Variants in AMHR2 observed in about 807,000 individuals in gnomAD.
The protein encoded by AMHR2 is anti-Mullerian hormone receptor type 2.
AMHR2 carries 36 observed loss-of-function variants against 61.4 expected under a neutral mutation model. The ratio of observed to expected loss-of-function variants is 0.59; its 90% confidence interval spans 0.45 to 0.77. AMHR2 has a LOEUF of 0.77. AMHR2 is among the 30% of genes least tolerant of loss of function. AMHR2 has a pLI of 0.00. For synonymous variants in AMHR2, 258 were observed against 279.4 expected (o/e 0.92, Z 0.76); for missense variants, 638 against 714.6 (o/e 0.89, Z 1.22).
At position 53,423,943 on chromosome 12, in the gene AMHR2, G is replaced by A. The variant is rs752126229; in HGVS notation, c.9G>A (p.Gly3=). The A allele has an allele frequency of 6.2e-7, 1 of 1,614,220 alleles. No individual in the cohort carries two copies. The highest frequency in any genetic ancestry group is 8.5e-7 in the Non-Finnish European group (1 of 1,180,038). The change falls in exon 1 of 11, where the codon GGG becomes GGA. Residue 3 remains glycine (G), a synonymous_variant. Coordinates refer to ENST00000257863, the MANE Select transcript of AMHR2 (RefSeq NM_020547.3). ...TGCCATCCTCCAGCAAGATGCTAGG[G>A]TCTTTGGGGCTTTGGGCATTACTTC... ML[G]SLGLWALLPT...
Position 53,425,499 on chromosome 12 carries a change from C to T in AMHR2, c.547C>T (p.Pro183Ser). 6.2e-7 allele frequency: 1 copy of T among 1,614,054 alleles called. No homozygotes were observed. Among genetic ancestry groups the T allele is most frequent in the Non-Finnish European group, 8.5e-7 (1 of 1,180,034 alleles). Residue 183 changes from proline (P) to serine (S), a missense_variant, in exon 5 of 11, where the codon CCA becomes TCA. Transcript: ENST00000257863. The stretch of plus-strand genomic sequence containing the variant: ...CTACAGAGTGCGAGGTGAGCCAGTG[C>T]CAGAGCCAAGGCCAGACTCAGGCAG... The part of the protein sequence containing the change: ...KNYRVRGEPV[P>S]EPRPDSGRDW...
intron 10 of AMHR2, chr12:53,430,722 C>A: frequency 2.9e-6 from 1 of 347,206 alleles, no homozygotes; most frequent in Non-Finnish European, 5.5e-6. Context: ...CAATAAAAGG[C>A]AGTTCTAGGT....
rs1231975212 is a variant in AMHR2, at chr12:53,424,799, C to T, written c.323C>T (p.Thr108Ile). The stretch of plus-strand genomic sequence containing the variant: ...CCCAGCCCTGGCTCCACTCTCTTCA[C>T]CTGCTCCTGTGGCACTGACTTCTGC... ...AHPSPGSTLFTCSCGTDFCNA... is the reference protein window; with the variant it reads ...AHPSPGSTLFICSCGTDFCNA... Residue 108 changes from threonine (T) to isoleucine (I), a missense_variant, in exon 3 of 11, where the codon ACC becomes ATC. Thr to Ile is a moderately conservative substitution (Grantham distance 89, BLOSUM62 -1). Coordinates refer to ENST00000257863, the MANE Select transcript of AMHR2 (RefSeq NM_020547.3). The T allele has an allele frequency of 3.7e-6, 6 of 1,614,074 alleles. No individual in the cohort carries two copies. The highest frequency in any genetic ancestry group is 3.3e-5 in the South Asian group (3 of 91,082).
Position 53,425,456 on chromosome 12 carries a change from C to G in AMHR2, c.504C>G (p.Ala168=), listed in dbSNP as rs781306620. 1 of 1,613,874 alleles carries G rather than the reference C, an allele frequency of 6.2e-7. No homozygotes were observed. The highest frequency in any genetic ancestry group is 2.2e-5 in the East Asian group (1 of 44,892). Residue 168 remains alanine (A), a splice_region_variant and synonymous_variant, in exon 5 of 11, where the codon GCC becomes GCG. Coordinates refer to ENST00000257863, the MANE Select transcript of AMHR2 (RefSeq NM_020547.3). ...LLLLLGSIIL[A]LLQRKNYRVR... is the part of the protein sequence containing the mutation. ...CCCTAAGGCTCTTGTCTGTTCCAGC[C>G]CTGCTACAGCGAAAGAACTACAGAG...
chr12:53,426,973 G>A (rs1237874858), intron 6 of AMHR2, among the ~76,000 whole-genome samples: 3 of 137,618 alleles, frequency 2.2e-5, no homozygotes, highest in African/African-American at 2.7e-5. Flanking sequence ...GTGAGACACC[G>A]TGCCCAGCCA....
chr12:53,427,705 G>A (rs189323489), intron 6 of AMHR2, among the ~76,000 whole-genome samples: 4 of 152,188 alleles, frequency 2.6e-5, no homozygotes, highest in Non-Finnish European at 4.4e-5. Context: ...GCCCGGCCAT[G>A]CTACACGCTT....
intron 6 of AMHR2, among the ~76,000 whole-genome samples, chr12:53,426,781 C>T (rs1939634482): frequency 6.6e-6 from 1 of 151,984 alleles, no homozygotes; most frequent in African/African-American, 2.4e-5. Context: ...ATCCCAGGTT[C>T]AAGCGATTCT....
Position 53,429,635 on chromosome 12 carries a change from C to T in AMHR2, c.1140+10C>T, listed in dbSNP as rs1241623061. The T allele has an allele frequency of 1.2e-6, 2 of 1,613,500 alleles. No individual in the cohort carries two copies. The highest frequency in any genetic ancestry group is 1.7e-5 in the Admixed American group (1 of 59,850). ...AGCTGCCATCATGGAAGTGAGTTCT[C>T]TGGATAACTGGTGAGGCCCAGGATG... On this transcript the variant is annotated intron_variant, in intron 8 of 10. Coordinates refer to ENST00000257863, the MANE Select transcript of AMHR2 (RefSeq NM_020547.3).
At chr12:53,425,411 C>G in intron 4 of AMHR2, 44 bp from the exon 5 acceptor site, 1 of 1,608,988 alleles carries the variant, frequency 6.2e-7, no homozygotes, top group Non-Finnish European at 8.5e-7. Context: ...TTTTCCTGTC[C>G]CTATGCATTT....
intron 4 of AMHR2, 43 bp downstream of exon 4, chr12:53,425,285 G>T (rs761381659): frequency 6.2e-7 from 1 of 1,610,630 alleles, no homozygotes; most frequent in African/African-American, 1.3e-5. Flanking sequence ...CCAAGACATT[G>T]CCCCAAAAGC....
Position 53,431,159 on chromosome 12 carries a change from C to T in AMHR2, c.1426-18C>T. 6.2e-7 allele frequency: 1 copy of T among 1,613,776 alleles called. No homozygotes were observed. The highest frequency in any genetic ancestry group is 1.3e-5 in the African/African-American group (1 of 75,062). On this transcript the variant is annotated intron_variant, in intron 10 of 10. Transcript: ENST00000257863. ...CAAGATCCTAGGGTCAACCCTTCCT[C>T]CCTGTCATTCCCCCCAGGACCCTGA...
chr12:53,431,603 C>T lies in AMHR2; in HGVS notation c.*130C>T. On this transcript the variant is annotated 3_prime_UTR_variant, in exon 11 of 11. Transcript: ENST00000257863. ...GATTCTTCTGCGGGCATCCAGTCCA[C>T]ATCAGTTCTGACCAGTGACTTGGGG... The T allele has an allele frequency of 8.3e-7, 1 of 1,207,940 alleles. No individual in the cohort carries two copies. The highest frequency in any genetic ancestry group is 1.2e-6 in the Non-Finnish European group (1 of 836,396). The allele number at this position is 1,207,940 out of a possible 1,614,324, so 74.8% of individuals were successfully genotyped here.
At chr12:53,430,433 TC>T in intron 10 of AMHR2, 151 bp downstream of exon 10, 2 of 1,222,506 alleles carry the variant, frequency 1.6e-6, no homozygotes, top group Non-Finnish European at 2.3e-6. Flanking sequence ...TGGGCAAGCC[TC>T]CTCTCCCCGT....
chr12:53,425,964 A>G (rs751506278), intron 6 of AMHR2, 45 bp downstream of exon 6: 66 of 1,570,370 alleles, frequency 4.2e-5, no homozygotes, highest in Non-Finnish European at 4.4e-5. Context: ...GCCTGTGTGT[A>G]TGTATAGAGG....
At position 53,431,152 on chromosome 12, in the gene AMHR2, C is replaced by A. The variant is rs563952004; in HGVS notation, c.1426-25C>A. On this transcript the variant is annotated intron_variant, in intron 10 of 10. Coordinates refer to ENST00000257863, the MANE Select transcript of AMHR2 (RefSeq NM_020547.3). ...GCCCACTCAAGATCCTAGGGTCAAC[C>A]CTTCCTCCCTGTCATTCCCCCCAGG... The A allele has an allele frequency of 2.3e-5, 37 of 1,613,276 alleles. 1 individual carries two copies. Among genetic ancestry groups the A allele is most frequent in the Non-Finnish European group, 2.8e-5 (33 of 1,180,006 alleles).
chr12:53,425,318 CT>C, intron 4 of AMHR2, 76 bp downstream of exon 4: 1 of 1,608,058 alleles, frequency 6.2e-7, no homozygotes, highest in Admixed American at 1.7e-5. Context: ...CCAGGCACCC[CT>C]GACCCCATGG....
intron 4 of AMHR2, 87 bp from the exon 5 acceptor site, chr12:53,425,368 A>T: frequency 1.2e-6 from 2 of 1,604,212 alleles, no homozygotes; most frequent in South Asian, 1.1e-5. Context: ...GACTCCCATG[A>T]CCTCTCACAA....
At chr12:53,430,099 G>A (rs751730681) in intron 9 of AMHR2, 47 bp from the exon 10 acceptor site, 1 of 1,614,054 alleles carries the variant, frequency 6.2e-7, no homozygotes, top group Non-Finnish European at 8.5e-7. Flanking sequence ...CTACATGGTA[G>A]GCACCCCTAG....
intron 1 of AMHR2, 63 bp downstream of exon 1, chr12:53,424,046 A>C (rs1384658093): frequency 3.2e-6 from 5 of 1,582,458 alleles, no homozygotes; most frequent in Non-Finnish European, 4.3e-6. Context: ...GGGGCGCTTG[A>C]AGCAAGAGCC....
Sources: gnomAD v4.1 joint callset for allele counts (sites outside exome capture counted in the v4.1 genomes callset) on GRCh38, gnomAD v4.1.1 for gene constraint, MANE v1.5 for transcripts, NCBI Gene and HGNC (gene_info 2026-07-23, HGNC 2026-07-21) for gene names.